The following NCALD variants were observed in gnomAD, a reference collection of about 807,000 sequenced individuals.
NCALD encodes neurocalcin delta, also known as neurocalcin-delta.
NCALD carries 10 observed loss-of-function variants against 18.6 expected under a neutral mutation model. The observed-to-expected ratio is 0.54, with a 90% CI of 0.33 to 0.91. The LOEUF is 0.91. NCALD is among the 40% of genes least tolerant of loss of function. NCALD has a pLI of 0.03. For synonymous variants in NCALD, 88 were observed against 87.4 expected (o/e 1.01, Z -0.04); for missense variants, 184 against 247.6 (o/e 0.74, Z 1.72).
chr8:101,765,448 A>C (rs1430331279), intron 1 of NCALD, among the ~76,000 whole-genome samples: 4 of 152,222 alleles, frequency 2.6e-5, no homozygotes. Flanking sequence ...CGACATGTGC[A>C]AAAAACATCA....
At chr8:101,707,524 A>G (rs1394639355) in intron 2 of NCALD, among the ~76,000 whole-genome samples, 4 of 152,208 alleles carry the variant, frequency 2.6e-5, no homozygotes, top group Admixed American at 6.5e-5. Flanking sequence ...CCATACTGCT[A>G]AAAGTAGCAA....
At chr8:101,703,780 AAG>A (rs1440753328) in intron 2 of NCALD, among the ~76,000 whole-genome samples, 1 of 152,162 alleles carries the variant, frequency 6.6e-6, no homozygotes, top group African/African-American at 2.4e-5. Flanking sequence ...AATAAAAGAG[AAG>A]AGAGAGTGGC....
intron 4 of NCALD, among the ~76,000 whole-genome samples, chr8:101,860,611 T>A (rs1309526805): frequency 6.6e-6 from 1 of 152,228 alleles, no homozygotes; most frequent in African/African-American, 2.4e-5. Flanking sequence ...AGTATCCATG[T>A]GGCTCATATG....
intron 4 of NCALD, among the ~76,000 whole-genome samples, chr8:101,804,246 A>G (rs1227478958): frequency 6.1e-5 from 9 of 147,926 alleles, no homozygotes; most frequent in Admixed American, 2.7e-4. Context: ...TTATATTCCA[A>G]TAACCTATAA....
At chr8:101,921,979 T>C (rs1266960765) in intron 2 of NCALD, among the ~76,000 whole-genome samples, 1 of 151,544 alleles carries the variant, frequency 6.6e-6, no homozygotes, top group Non-Finnish European at 1.5e-5. Flanking sequence ...AGTCTCCCTC[T>C]ATTGCCCAGG....
chr8:101,982,313 A>G (rs577370074), intron 2 of NCALD, among the ~76,000 whole-genome samples: 1 of 152,256 alleles, frequency 6.6e-6, no homozygotes, highest in Non-Finnish European at 1.5e-5. Flanking sequence ...AGCAGGTGCC[A>G]TGAGCTTGTC....
At chr8:101,800,688 A>G (rs1383555649) in intron 4 of NCALD, among the ~76,000 whole-genome samples, 6 of 151,668 alleles carry the variant, frequency 4.0e-5, no homozygotes, top group African/African-American at 1.2e-4. Context: ...AGATACATAT[A>G]TATCACACAA....
At chr8:101,962,470 T>C (rs1345205684) in intron 2 of NCALD, among the ~76,000 whole-genome samples, 1 of 152,216 alleles carries the variant, frequency 6.6e-6, no homozygotes, top group Non-Finnish European at 1.5e-5. Flanking sequence ...CAAATTAGTT[T>C]TAATGCTTCC....
intron 1 of NCALD, among the ~76,000 whole-genome samples, chr8:102,043,888 G>T (rs1276676565): frequency 6.6e-6 from 1 of 151,844 alleles, no homozygotes; most frequent in Non-Finnish European, 1.5e-5. Context: ...CTCCCTACCT[G>T]AAGTAAAGGC....
intron 1 of NCALD, among the ~76,000 whole-genome samples, chr8:101,782,938 C>A (rs573700854): frequency 6.6e-6 from 1 of 152,298 alleles, no homozygotes; most frequent in South Asian, 2.1e-4. Flanking sequence ...TAGACTGTTA[C>A]CTTTTCAAAG....
intron 2 of NCALD, among the ~76,000 whole-genome samples, chr8:102,016,347 T>C (rs1477513459): frequency 6.6e-6 from 1 of 152,154 alleles, no homozygotes; most frequent in Admixed American, 6.5e-5. Context: ...AAGGCCTACC[T>C]AAGACTGAGG....
At chr8:101,999,508 G>A (rs1289527326) in intron 2 of NCALD, among the ~76,000 whole-genome samples, 2 of 152,082 alleles carry the variant, frequency 1.3e-5, no homozygotes, top group Admixed American at 1.3e-4. Flanking sequence ...ATGGACTTTG[G>A]GGACTCGGGG....
intron 1 of NCALD, among the ~76,000 whole-genome samples, chr8:102,048,926 A>G (rs533699014): frequency 6.6e-6 from 1 of 152,310 alleles, no homozygotes; most frequent in Non-Finnish European, 1.5e-5. Flanking sequence ...AACTTGTGGT[A>G]GTGGGAGAGT....
At chr8:101,834,481 C>A (rs1201664292) in intron 4 of NCALD, among the ~76,000 whole-genome samples, 1 of 152,238 alleles carries the variant, frequency 6.6e-6, no homozygotes, top group Non-Finnish European at 1.5e-5. Context: ...TCCCTTGTTT[C>A]CTCGTTCCTC....
chr8:101,971,389 G>C (rs1416554116), intron 2 of NCALD, among the ~76,000 whole-genome samples: 1 of 152,056 alleles, frequency 6.6e-6, no homozygotes. Flanking sequence ...CATGTGTCAA[G>C]GGCAGGACCT....
intron 4 of NCALD, among the ~76,000 whole-genome samples, chr8:101,859,481 C>T (rs185988782): frequency 3.3e-5 from 5 of 152,212 alleles, no homozygotes; most frequent in African/African-American, 4.8e-5. Flanking sequence ...CTCTAGAGAA[C>T]CCTGACTAAT....
intron 3 of NCALD, chr8:101,690,433 CGGCCTGCCT>C (rs1814673445): frequency 1.0e-6 from 1 of 985,460 alleles, no homozygotes; most frequent in Non-Finnish European, 1.2e-6. Context: ...GGGCAGCACC[CGGCCTGCCT>C]GGCTCTGCAC....
At chr8:102,008,930 ACACAC>A (rs1821809016) in intron 2 of NCALD, among the ~76,000 whole-genome samples, 1 of 89,948 alleles carries the variant, frequency 1.1e-5, no homozygotes, top group Non-Finnish European at 2.1e-5. Context: ...ACACACACAC[ACACAC>A]ACACACACAC....
In NCALD at chr8:101,946,036, A is replaced by C. The variant is rs531428752; in HGVS notation, c.-156-30178T>G. 1.4e-4 allele frequency among the ~76,000 whole-genome samples: 22 copies of C among 152,318 alleles called. 1 individual carries two copies. The Middle Eastern group carries it at 0.017, about 118-fold the overall frequency. ...CATCCCAGTTAATAAATAGGGCATC[A>C]GAATTTCTGAAAAAGAGATGGAGGA... On this transcript the variant is annotated intron_variant, in intron 2 of 6. Transcript: ENST00000311028.
Sources: gnomAD v4.1 joint callset for allele counts (sites outside exome capture counted in the v4.1 genomes callset) on GRCh38, gnomAD v4.1.1 for gene constraint, MANE v1.5 for transcripts, NCBI Gene and HGNC (gene_info 2026-07-23, HGNC 2026-07-21) for gene names.